Variants in CHCHD3 observed in about 807,000 individuals in gnomAD.
CHCHD3 encodes the protein MICOS complex subunit MIC19.
Under a neutral mutation model 38.2 loss-of-function variants are expected in CHCHD3, and 20 were observed. The ratio of observed to expected loss-of-function variants is 0.52; its 90% CI spans 0.37 to 0.76. The LOEUF (loss-of-function observed/expected upper bound fraction) is 0.76. Ranked by LOEUF, CHCHD3 falls within the 30% of genes least tolerant of loss-of-function variation. The probability of loss-of-function intolerance (pLI) is 0.00; values close to 1 mark genes in which losing one functional copy is unlikely to be tolerated. For synonymous variants in CHCHD3, 82 were observed against 100.0 expected, an observed-to-expected ratio of 0.82 and a Z score of 1.07; for missense variants, 245 against 279.2, an observed-to-expected ratio of 0.88 and a Z score of 0.87.
chr7:133,009,363 CAAAA>C (rs71178076), intron 3 of CHCHD3, among the ~76,000 whole-genome samples: 113 of 67,398 alleles, frequency 1.7e-3, no homozygotes, highest in African/African-American at 6.9e-3. Context: ...GACTCTGTCT[CAAAA>C]AAAAAAAAAA....
chr7:132,863,889 T>C (rs1808551452), intron 5 of CHCHD3, among the ~76,000 whole-genome samples: 1 of 152,216 alleles, frequency 6.6e-6, no homozygotes, highest in East Asian at 1.9e-4. Context: ...TTCGTAGAAC[T>C]TAAGAAAATT....
intron 4 of CHCHD3, among the ~76,000 whole-genome samples, chr7:132,899,278 A>T (rs937429566): frequency 6.6e-6 from 1 of 152,198 alleles, no homozygotes; most frequent in African/African-American, 2.4e-5. Flanking sequence ...TGCAGGTCTG[A>T]CACCAGCAAC....
Position 133,009,350 on chromosome 7 carries a change from C to A in CHCHD3, c.251+15196G>T, listed in dbSNP as rs544464678. Among the ~76,000 whole-genome samples, 8 of 126,628 alleles carry A rather than the reference C, an allele frequency of 6.3e-5. No individual in the cohort carries two copies. The South Asian group carries it at 2.0e-3, about 31-fold the overall frequency. 83.1% of individuals were successfully genotyped at this position (126,628 alleles called of 152,430 possible). On this transcript the variant is annotated intron_variant, in intron 3 of 7. Transcript: ENST00000262570. Reference sequence around the variant, plus strand: ...CTGCACTCCAGCCTGGGTGACAGTGCGAGACTCTGTCTCAAAAAAAAAAAA... The same window carrying A: ...CTGCACTCCAGCCTGGGTGACAGTGAGAGACTCTGTCTCAAAAAAAAAAAA...
At position 133,023,041 on chromosome 7, in the gene CHCHD3, A is replaced by G. The variant is rs558382695; in HGVS notation, c.251+1505T>C. ...TAAAAATAACAAAATTTCAAAGACA[A>G]GAAATTCTACCATAACATATTGATT... On this transcript the variant is annotated intron_variant, in intron 3 of 7. Coordinates refer to ENST00000262570, the MANE Select transcript of CHCHD3 (RefSeq NM_017812.4). 2.8e-4 allele frequency among the ~76,000 whole-genome samples: 43 copies of G among 152,218 alleles called. 1 individual carries two copies. The highest frequency in any genetic ancestry group is 1.1e-3 in the Admixed American group (17 of 15,284).
At chr7:132,919,647 T>C (rs1212875663) in intron 4 of CHCHD3, among the ~76,000 whole-genome samples, 1 of 152,194 alleles carries the variant, frequency 6.6e-6, no homozygotes, top group Non-Finnish European at 1.5e-5. Context: ...TGGGCTCAGT[T>C]TAGTCACACG....
rs1309549523 is a variant in CHCHD3, at chr7:132,786,488, T to C, written c.661-828A>G. Among the ~76,000 whole-genome samples, 4 of 152,288 alleles carry C rather than the reference T, an allele frequency of 2.6e-5. No homozygotes were observed. In the South Asian group the frequency reaches 6.2e-4, roughly 24 times the overall value. The stretch of plus-strand genomic sequence containing the variant: ...AGATGAGGATGTAGATAGGAAGAAT[T>C]CTTAACTATCAGATGAGAACTCTAT... On this transcript the variant is annotated intron_variant, in intron 7 of 7. Transcript: ENST00000262570.
At chr7:132,962,615 C>G (rs184930258) in intron 4 of CHCHD3, among the ~76,000 whole-genome samples, 3 of 152,290 alleles carry the variant, frequency 2.0e-5, no homozygotes, top group East Asian at 3.9e-4. Flanking sequence ...ATGCCTGCTG[C>G]ATTTTGAAGA....
intron 4 of CHCHD3, among the ~76,000 whole-genome samples, chr7:132,892,876 G>T (rs1376341510): frequency 6.6e-6 from 1 of 152,230 alleles, no homozygotes; most frequent in Admixed American, 6.5e-5. Flanking sequence ...CCTCCACCTA[G>T]ATTTCAGAGG....
intron 4 of CHCHD3, among the ~76,000 whole-genome samples, chr7:132,958,844 T>C (rs1407390987): frequency 6.6e-6 from 1 of 152,230 alleles, no homozygotes; most frequent in Admixed American, 6.5e-5. Flanking sequence ...GCTTAGGTCT[T>C]ATGAAATTTC....
intron 4 of CHCHD3, among the ~76,000 whole-genome samples, chr7:132,919,655 A>T (rs1810209904): frequency 6.6e-6 from 1 of 152,226 alleles, no homozygotes; most frequent in South Asian, 2.1e-4. Context: ...GTTTAGTCAC[A>T]CGCCTCTATA....
At chr7:132,995,723 T>C (rs748669738) in intron 3 of CHCHD3, among the ~76,000 whole-genome samples, 1 of 152,176 alleles carries the variant, frequency 6.6e-6, no homozygotes, top group Non-Finnish European at 1.5e-5. Flanking sequence ...TTCCAACTCA[T>C]CCTAACAAAA....
chr7:132,955,631 A>G (rs1465077270), intron 4 of CHCHD3, among the ~76,000 whole-genome samples: 5 of 152,092 alleles, frequency 3.3e-5, no homozygotes, highest in Non-Finnish European at 5.9e-5. Flanking sequence ...TGTTAAAGAA[A>G]AAGTTGTTCA....
At chr7:132,789,108 A>C (rs529964361) in intron 7 of CHCHD3, among the ~76,000 whole-genome samples, 1 of 152,252 alleles carries the variant, frequency 6.6e-6, no homozygotes, top group East Asian at 1.9e-4. Flanking sequence ...TTCACCTTAT[A>C]GGTTCTACTG....
At chr7:132,845,774 A>G (rs1808062710) in intron 5 of CHCHD3, among the ~76,000 whole-genome samples, 1 of 152,212 alleles carries the variant, frequency 6.6e-6, no homozygotes. Context: ...ACGCCAGATT[A>G]AAGAAAAGTC....
intron 6 of CHCHD3, among the ~76,000 whole-genome samples, chr7:132,821,742 C>T (rs1048280444): frequency 7.4e-6 from 1 of 135,630 alleles, no homozygotes; most frequent in African/African-American, 2.7e-5. Flanking sequence ...GCTTAGCACT[C>T]AAATCTTTTT....
chr7:133,033,944 A>C (rs1813575308), intron 2 of CHCHD3, among the ~76,000 whole-genome samples: 1 of 115,214 alleles, frequency 8.7e-6, no homozygotes, highest in African/African-American at 4.2e-5. Flanking sequence ...TAAACACTCC[A>C]GGTCTCTGTG....
At chr7:132,955,182 G>GTGTGTGTGTGTGTGTA (rs1811131658) in intron 4 of CHCHD3, among the ~76,000 whole-genome samples, 1 of 148,772 alleles carries the variant, frequency 6.7e-6, no homozygotes, top group African/African-American at 2.5e-5. Flanking sequence ...GGGTGTGTGT[G>GTGTGTGTGTGTGTGTA]TGTGTGTGTG....
At chr7:132,969,021 C>A (rs531681468) in intron 4 of CHCHD3, among the ~76,000 whole-genome samples, 1 of 152,240 alleles carries the variant, frequency 6.6e-6, no homozygotes, top group Admixed American at 6.5e-5. Context: ...TTAATCAATT[C>A]TTCTTCTTGA....
intron 2 of CHCHD3, among the ~76,000 whole-genome samples, chr7:133,029,529 A>G (rs1813443643): frequency 6.6e-6 from 1 of 152,164 alleles, no homozygotes; most frequent in African/African-American, 2.4e-5. Flanking sequence ...ACTTGGCACA[A>G]TGTCATATCT....
Sources: allele counts gnomAD v4.1 joint callset (sites outside exome capture counted in the v4.1 genomes callset), GRCh38; gene constraint gnomAD v4.1.1; transcripts MANE v1.5; gene names NCBI Gene and HGNC (gene_info 2026-07-23, HGNC 2026-07-21).